Variants in RSU1 observed in about 807,000 individuals in gnomAD.
RSU1 encodes rsu-1.
In RSU1, 26 loss-of-function variants were observed where a neutral mutation model predicts 31.1. The observed-to-expected ratio is 0.84, with a 90% CI of 0.61 to 1.16. The LOEUF (loss-of-function observed/expected upper bound fraction) is 1.16, where lower values mean the gene tolerates loss of function less well. Among genes scored for constraint, RSU1 ranks in the 50% most tolerant of loss-of-function variants. The pLI, the probability that RSU1 is intolerant of heterozygous loss-of-function variation, is 0.00. For missense variants in RSU1, 320 were observed against 339.1 expected, an observed-to-expected ratio of 0.94 and a Z score of 0.44; for synonymous variants, 164 against 136.3, an observed-to-expected ratio of 1.20 and a Z score of -1.41.
chr10:16,683,034 C>A (rs1394562018), intron 8 of RSU1, among the ~76,000 whole-genome samples: 2 of 152,154 alleles, frequency 1.3e-5, no homozygotes, highest in Non-Finnish European at 2.9e-5. Flanking sequence ...TTAACAGGGT[C>A]CATTCTTAAA....
At chr10:16,708,775 T>G (rs1835957891) in intron 7 of RSU1, among the ~76,000 whole-genome samples, 1 of 152,034 alleles carries the variant, frequency 6.6e-6, no homozygotes, top group Non-Finnish European at 1.5e-5. Flanking sequence ...TTTTAGAGTT[T>G]CAATATAGAG....
chr10:16,688,517 G>A (rs943142744), intron 8 of RSU1, among the ~76,000 whole-genome samples: 2 of 152,186 alleles, frequency 1.3e-5, no homozygotes, highest in Admixed American at 6.5e-5. Context: ...GCTGAGGCAG[G>A]AGAATGGCGT....
chr10:16,701,540 T>G (rs1216110664), intron 7 of RSU1, among the ~76,000 whole-genome samples: 1 of 152,196 alleles, frequency 6.6e-6, no homozygotes, highest in African/African-American at 2.4e-5. Context: ...AATGCATGCA[T>G]TGCATTGCTG....
At chr10:16,645,578 C>G (rs150030801) in intron 8 of RSU1, among the ~76,000 whole-genome samples, 185 of 151,942 alleles carry the variant, frequency 1.2e-3, no homozygotes, top group African/African-American at 4.3e-3. Context: ...GAAGCTGAGG[C>G]GGGCGGATCG....
At position 16,712,125 on chromosome 10, in the gene RSU1, T is replaced by C. The variant is rs544476797; in HGVS notation, c.599-16970A>G. ...TCCAGTTTTTGACTTAAAATCTGTCTTATCTGATACAATTATAGCTACTCC... is the reference window on the plus strand; with the variant it reads ...TCCAGTTTTTGACTTAAAATCTGTCCTATCTGATACAATTATAGCTACTCC... On this transcript the variant is annotated intron_variant, in intron 7 of 8. Coordinates refer to ENST00000345264, the MANE Select transcript of RSU1 (RefSeq NM_012425.4). 8.5e-5 allele frequency among the ~76,000 whole-genome samples: 13 copies of C among 152,314 alleles called. No individual in the cohort carries two copies. In the South Asian group the frequency reaches 2.7e-3, roughly 32 times the overall value.
chr10:16,784,420 T>G (rs966661236), intron 2 of RSU1, among the ~76,000 whole-genome samples: 1 of 152,074 alleles, frequency 6.6e-6, no homozygotes, highest in Non-Finnish European at 1.5e-5. Context: ...AGAAAAGAAG[T>G]TTATATGGCT....
At chr10:16,684,483 C>T (rs959142258) in intron 8 of RSU1, among the ~76,000 whole-genome samples, 1 of 152,114 alleles carries the variant, frequency 6.6e-6, no homozygotes, top group Non-Finnish European at 1.5e-5. Context: ...TTAGGGTGGG[C>T]CCTCACCCCG....
At chr10:16,751,814 C>A (rs1427167038) in intron 7 of RSU1, among the ~76,000 whole-genome samples, 1 of 152,134 alleles carries the variant, frequency 6.6e-6, no homozygotes, top group African/African-American at 2.4e-5. Flanking sequence ...AAATGAGAGG[C>A]TATGGAGGGT....
intron 8 of RSU1, among the ~76,000 whole-genome samples, chr10:16,612,791 G>C (rs1256020438): frequency 6.6e-6 from 1 of 152,216 alleles, no homozygotes; most frequent in Non-Finnish European, 1.5e-5. Flanking sequence ...ATTCTGCTAA[G>C]ATGCAATGGA....
intron 8 of RSU1, 77 bp downstream of exon 8, chr10:16,694,946 C>T (rs986247776): frequency 2.3e-5 from 31 of 1,352,896 alleles, no homozygotes; most frequent in Non-Finnish European, 2.9e-5. Flanking sequence ...GATACTGTCA[C>T]ATAATATTTT....
intron 8 of RSU1, among the ~76,000 whole-genome samples, chr10:16,657,478 G>A (rs1413092128): frequency 1.4e-5 from 2 of 147,600 alleles, no homozygotes; most frequent in African/African-American, 5.2e-5. Flanking sequence ...TTAGACTTTT[G>A]GGATTTTTTT....
intron 8 of RSU1, among the ~76,000 whole-genome samples, chr10:16,689,100 A>G (rs764372841): frequency 2.6e-5 from 4 of 152,014 alleles, no homozygotes; most frequent in Non-Finnish European, 5.9e-5. Context: ...AATTTGAGCT[A>G]TTTTCAGATA....
At chr10:16,767,147 T>C (rs777211818) in intron 3 of RSU1, 2 of 152,320 alleles carry the variant, frequency 1.3e-5, no homozygotes, top group Non-Finnish European at 2.9e-5. Context: ...CCCTCCCCTG[T>C]CCACCCTCCA....
At position 16,706,168 on chromosome 10, in the gene RSU1, G is replaced by C. The variant is rs185325901; in HGVS notation, c.599-11013C>G. 1.8e-3 allele frequency among the ~76,000 whole-genome samples: 278 copies of C among 152,290 alleles called. 1 individual carries two copies. The highest frequency in any genetic ancestry group is 5.0e-3 in the South Asian group (24 of 4,826). ...CGGGAATATACTCAGAAGTGAAACT[G>C]CTGGGTCGTATGGTAGTTTTAATTT... On this transcript the variant is annotated intron_variant, in intron 7 of 8. Transcript: ENST00000345264.
At chr10:16,659,110 C>T (rs749826532) in intron 8 of RSU1, among the ~76,000 whole-genome samples, 9 of 152,244 alleles carry the variant, frequency 5.9e-5, no homozygotes, top group East Asian at 1.9e-4. Context: ...AGATACTAAT[C>T]GGCTGTCAGC....
chr10:16,785,196 GA>G (rs1195894219), intron 2 of RSU1, among the ~76,000 whole-genome samples: 9 of 152,140 alleles, frequency 5.9e-5, no homozygotes, highest in East Asian at 5.8e-4. Flanking sequence ...AAAGCAGGTA[GA>G]AAAAGGCTAA....
At chr10:16,638,052 C>T (rs1834376434) in intron 8 of RSU1, among the ~76,000 whole-genome samples, 1 of 152,002 alleles carries the variant, frequency 6.6e-6, no homozygotes, top group Non-Finnish European at 1.5e-5. Context: ...TCTTTTCTGC[C>T]CTGATAAAAT....
At chr10:16,704,716 G>T (rs893777658) in intron 7 of RSU1, among the ~76,000 whole-genome samples, 9 of 152,152 alleles carry the variant, frequency 5.9e-5, no homozygotes, top group African/African-American at 2.2e-4. Context: ...ACACCCTAGT[G>T]GGGTAATGCA....
intron 4 of RSU1, among the ~76,000 whole-genome samples, chr10:16,758,417 G>C (rs1164576897): frequency 6.6e-6 from 1 of 152,164 alleles, no homozygotes; most frequent in Admixed American, 6.5e-5. Flanking sequence ...TCCATGCTCA[G>C]GGCCCCGCTC....
Sources: gnomAD v4.1 joint callset for allele counts (sites outside exome capture counted in the v4.1 genomes callset) on GRCh38, gnomAD v4.1.1 for gene constraint, MANE v1.5 for transcripts, NCBI Gene and HGNC (gene_info 2026-07-23, HGNC 2026-07-21) for gene names.